The following MTUS2 variants were observed in gnomAD, a reference collection of about 807,000 sequenced individuals.
The protein encoded by MTUS2 is microtubule-associated tumor suppressor candidate 2.
Under a neutral mutation model 114.1 loss-of-function variants are expected in MTUS2, and 40 were observed. That is an observed-to-expected ratio of 0.35 (90% CI 0.27 to 0.46). The LOEUF (loss-of-function observed/expected upper bound fraction) is 0.46. Among genes scored for constraint, MTUS2 ranks in the 20% least tolerant of loss-of-function variants. The probability of loss-of-function intolerance (pLI) is 1.00; values close to 1 mark genes in which losing one functional copy is unlikely to be tolerated. For synonymous variants in MTUS2, 688 were observed against 672.0 expected, an observed-to-expected ratio of 1.02 and a Z score of -0.37; for missense variants, 1,679 against 1,705.4, an observed-to-expected ratio of 0.98 and a Z score of 0.27.
At chr13:29,183,428 G>A (rs1260819688) in intron 5 of MTUS2, among the ~76,000 whole-genome samples, 2 of 152,164 alleles carry the variant, frequency 1.3e-5, no homozygotes, top group South Asian at 2.1e-4. Context: ...TTCGGACGTG[G>A]CTAATTGGAA....
intron 7 of MTUS2, among the ~76,000 whole-genome samples, chr13:29,330,176 AT>A (rs1303510524): frequency 6.6e-6 from 1 of 151,982 alleles, no homozygotes; most frequent in Non-Finnish European, 1.5e-5. Context: ...TGTGATTTTG[AT>A]TTGCATTTCG....
At chr13:28,977,031 A>G (rs1054643187) in intron 2 of MTUS2, among the ~76,000 whole-genome samples, 39 of 152,230 alleles carry the variant, frequency 2.6e-4, no homozygotes, top group Middle Eastern at 3.4e-3. Context: ...ATGGGAATAT[A>G]TGACCTCTTT....
chr13:29,143,618 C>G (rs1457390923), intron 5 of MTUS2, among the ~76,000 whole-genome samples: 2 of 152,142 alleles, frequency 1.3e-5, no homozygotes, highest in Non-Finnish European at 2.9e-5. Flanking sequence ...GATATTTGTG[C>G]AGATTTCCTC....
chr13:29,214,671 A>C (rs1467038495), intron 5 of MTUS2, among the ~76,000 whole-genome samples: 2 of 152,178 alleles, frequency 1.3e-5, no homozygotes, highest in Non-Finnish European at 2.9e-5. Context: ...TTTCTTTAAG[A>C]ATGTTGAATA....
At chr13:28,890,596 T>C (rs969146078) in intron 2 of MTUS2, among the ~76,000 whole-genome samples, 22 of 152,224 alleles carry the variant, frequency 1.4e-4, no homozygotes, top group Non-Finnish European at 4.4e-5. Flanking sequence ...CACAGAATGC[T>C]AGTCTTCTTA....
intron 4 of MTUS2, among the ~76,000 whole-genome samples, chr13:29,063,602 A>G (rs1366085728): frequency 6.6e-6 from 1 of 152,116 alleles, no homozygotes; most frequent in African/African-American, 2.4e-5. Flanking sequence ...CTCTTTGGTC[A>G]TTTTTTTAAA....
At chr13:28,891,858 CAAAAAAAAAAAA>C (rs1169875500) in intron 2 of MTUS2, among the ~76,000 whole-genome samples, 1 of 52,184 alleles carries the variant, frequency 1.9e-5, no homozygotes, top group Non-Finnish European at 3.7e-5. Context: ...GACTCTGTCT[CAAAAAAAAAAAA>C]AAAAAAAAAA....
chr13:29,320,033 C>G (rs1160988931), intron 6 of MTUS2, among the ~76,000 whole-genome samples: 2 of 152,098 alleles, frequency 1.3e-5, no homozygotes, highest in Admixed American at 1.3e-4. Flanking sequence ...GTATGAATCA[C>G]CAGAACCTAT....
In MTUS2 at chr13:28,889,988, C is replaced by T. The variant is rs1020034456; in HGVS notation, c.-243+50138C>T. On this transcript the variant is annotated intron_variant, in intron 2 of 15. Coordinates refer to ENST00000612955, the MANE Select transcript of MTUS2 (RefSeq NM_001033602.4). ...GCTACATTTGTCCACACCTGCATTC[C>T]AGTGTTTGTTTTGGAGGGCATAGCA... Among the ~76,000 whole-genome samples the T allele has an allele frequency of 2.6e-5, 4 of 152,114 alleles. No individual in the cohort carries two copies. The East Asian group carries it at 7.7e-4, about 29-fold the overall frequency.
chr13:29,032,972 C>T (rs1276430142), intron 3 of MTUS2, among the ~76,000 whole-genome samples: 2 of 151,998 alleles, frequency 1.3e-5, no homozygotes, highest in African/African-American at 4.8e-5. Flanking sequence ...TAATAAAACA[C>T]TGATAATATG....
chr13:28,907,249 G>A (rs972507506), intron 2 of MTUS2, among the ~76,000 whole-genome samples: 4 of 151,574 alleles, frequency 2.6e-5, no homozygotes, highest in Non-Finnish European at 1.5e-5. Flanking sequence ...GCTCCTGAAG[G>A]AAGCAGTAAA....
At chr13:28,922,017 C>T (rs562025972) in intron 2 of MTUS2, among the ~76,000 whole-genome samples, 33 of 152,254 alleles carry the variant, frequency 2.2e-4, no homozygotes, top group African/African-American at 6.3e-4. Flanking sequence ...GTAATTTCCA[C>T]GTGTTGGGTA....
Position 29,503,143 on chromosome 13 carries a change from C to T in MTUS2, c.4047C>T (p.Pro1349=), listed in dbSNP as rs750344298. The change falls in exon 16 of 16, where the codon CCC becomes CCT. Residue 1349 remains proline (P), a synonymous_variant. Transcript: ENST00000612955. ...CGATTAAACTCTCGCCCACATCTCC[C>T]GTTTACCGCGGCTCCTCCTCGGGGC... ...TSPIKLSPTS[P]VYRGSSSGPS... is the part of the protein sequence containing the mutation. The T allele has an allele frequency of 1.9e-6, 3 of 1,614,242 alleles. No homozygotes were observed. The highest frequency in any genetic ancestry group is 2.2e-5 in the East Asian group (1 of 44,882).
rs1168531816 is a variant in MTUS2 at position 29,480,623 on chromosome 13, C to T, written c.3399+259C>T. Among the ~76,000 whole-genome samples the T allele has an allele frequency of 6.6e-6, 1 of 152,186 alleles. No individual in the cohort carries two copies. The highest frequency in any genetic ancestry group is 1.5e-5 in the Non-Finnish European group (1 of 68,030). ...CTCCCTCTAGACAGTGCATGGCTGC[C>T]TCTTGCCCTCCCTTCCAGACTTTTC... On this transcript the variant is annotated intron_variant, in intron 10 of 15. Coordinates refer to ENST00000612955, the MANE Select transcript of MTUS2 (RefSeq NM_001033602.4). This position sits in a 1 kb window ranked among gnomAD's most constrained non-coding sequence, Gnocchi z 4.4.
intron 7 of MTUS2, among the ~76,000 whole-genome samples, chr13:29,349,015 T>C (rs1868993002): frequency 6.6e-6 from 1 of 152,212 alleles, no homozygotes; most frequent in African/African-American, 2.4e-5. Flanking sequence ...GGCTTTCATA[T>C]GCATTTGATG....
chr13:29,410,813 T>TTTG (rs369004790), intron 8 of MTUS2, among the ~76,000 whole-genome samples: 1 of 150,388 alleles, frequency 6.6e-6, no homozygotes, highest in Non-Finnish European at 1.5e-5. Flanking sequence ...ACACTATTGG[T>TTTG]TTTGTTTGTT....
intron 2 of MTUS2, among the ~76,000 whole-genome samples, chr13:28,879,942 CTAA>C (rs1490328764): frequency 2.6e-5 from 4 of 152,086 alleles, no homozygotes; most frequent in Admixed American, 2.6e-4. Flanking sequence ...GGTATTTGTG[CTAA>C]TAATATCTGA....
intron 9 of MTUS2, among the ~76,000 whole-genome samples, chr13:29,451,096 A>C (rs1878655223): frequency 6.6e-6 from 1 of 152,200 alleles, no homozygotes; most frequent in Non-Finnish European, 1.5e-5. Context: ...ACTTGACCTT[A>C]CTGACGTTAC....
At chr13:29,411,320 A>G (rs186115976) in intron 8 of MTUS2, among the ~76,000 whole-genome samples, 29 of 152,328 alleles carry the variant, frequency 1.9e-4, no homozygotes, top group African/African-American at 6.5e-4. Context: ...ACTACTTATT[A>G]AAATGTTTAT....
Sources: allele counts gnomAD v4.1 joint callset (sites outside exome capture counted in the v4.1 genomes callset), GRCh38; gene constraint gnomAD v4.1.1; non-coding constraint Gnocchi (gnomAD v3.1); transcripts MANE v1.5; gene names NCBI Gene and HGNC (gene_info 2026-07-23, HGNC 2026-07-21).